The following SPOCK1 variants were observed in gnomAD, a reference collection of about 807,000 sequenced individuals.
The protein encoded by SPOCK1 is testican-1.
SPOCK1 carries 23 observed loss-of-function variants against 55.3 expected under a neutral mutation model. That is an observed-to-expected ratio of 0.42 (90% confidence interval 0.30 to 0.59). The LOEUF is 0.59. Among genes scored for constraint, SPOCK1 ranks in the 20% least tolerant of loss-of-function variants. The pLI, the probability that SPOCK1 is intolerant of heterozygous loss-of-function variation, is 0.22. For missense variants in SPOCK1, 499 were observed against 552.5 expected, an observed-to-expected ratio of 0.90 and a Z score of 0.97; for synonymous variants, 226 against 221.0, an observed-to-expected ratio of 1.02 and a Z score of -0.20.
intron 4 of SPOCK1, among the ~76,000 whole-genome samples, chr5:137,124,141 G>A (rs1753736241): frequency 6.6e-6 from 1 of 152,152 alleles, no homozygotes; most frequent in Non-Finnish European, 1.5e-5. Context: ...AATGGTGCAA[G>A]GAGAAACTGC....
Position 137,173,898 on chromosome 5 carries a change from A to G in SPOCK1, c.233-33204T>C, listed in dbSNP as rs140448360. Among the ~76,000 whole-genome samples, 299 of 152,292 alleles carry G rather than the reference A, an allele frequency of 2.0e-3. 2 individuals carry two copies. The highest frequency in any genetic ancestry group is 3.4e-3 in the Non-Finnish European group (230 of 68,010). On this transcript the variant is annotated intron_variant, in intron 3 of 10. Coordinates refer to ENST00000394945, the MANE Select transcript of SPOCK1 (RefSeq NM_004598.4). ...CTAAAATCTGTGTATCCTTGTTATC[A>G]TTTAATCCTTGCAACAATGCCACGA...
intron 6 of SPOCK1, among the ~76,000 whole-genome samples, chr5:137,055,657 A>G (rs1752287659): frequency 6.6e-6 from 1 of 152,232 alleles, no homozygotes; most frequent in Admixed American, 6.5e-5. Flanking sequence ...CTGTGTTCTC[A>G]CAAGGGCACA....
At chr5:137,255,330 G>T (rs556374096) in intron 3 of SPOCK1, among the ~76,000 whole-genome samples, 108 of 152,286 alleles carry the variant, frequency 7.1e-4, no homozygotes, top group African/African-American at 2.6e-3. Context: ...TGCTCTGTGT[G>T]TCCTTCTCTG....
At chr5:137,467,402 T>C (rs1670888582) in intron 2 of SPOCK1, among the ~76,000 whole-genome samples, 1 of 152,204 alleles carries the variant, frequency 6.6e-6, no homozygotes, top group Non-Finnish European at 1.5e-5. Context: ...ACTCTTCCTT[T>C]CCTTCTTTCA....
chr5:137,269,218 A>G (rs1756914050), intron 2 of SPOCK1, among the ~76,000 whole-genome samples: 1 of 152,254 alleles, frequency 6.6e-6, no homozygotes, highest in South Asian at 2.1e-4. Flanking sequence ...ATGTGAAAGT[A>G]CACCTTGAGT....
intron 4 of SPOCK1, among the ~76,000 whole-genome samples, chr5:137,136,442 CTT>C (rs1753987024): frequency 6.6e-6 from 1 of 151,992 alleles, no homozygotes; most frequent in Admixed American, 6.6e-5. Flanking sequence ...AAAATACTCA[CTT>C]ATAAAAATTA....
chr5:137,386,846 G>T (rs951932424), intron 2 of SPOCK1, among the ~76,000 whole-genome samples: 5 of 151,946 alleles, frequency 3.3e-5, no homozygotes, highest in African/African-American at 1.2e-4. Context: ...CTGTACAAAA[G>T]ACAATGTCAA....
intron 2 of SPOCK1, among the ~76,000 whole-genome samples, chr5:137,328,055 G>C (rs1460632086): frequency 6.6e-6 from 1 of 152,232 alleles, no homozygotes; most frequent in Non-Finnish European, 1.5e-5. Context: ...CACAGCCTTT[G>C]CTGCTGCCTG....
intron 5 of SPOCK1, among the ~76,000 whole-genome samples, chr5:137,077,861 A>G (rs1752801621): frequency 6.6e-6 from 1 of 152,226 alleles, no homozygotes; most frequent in Non-Finnish European, 1.5e-5. Flanking sequence ...TATAAGCTGT[A>G]CCTTGAAAGT....
chr5:137,170,334 C>T (rs1754729419), intron 3 of SPOCK1, among the ~76,000 whole-genome samples: 1 of 152,082 alleles, frequency 6.6e-6, no homozygotes, highest in African/African-American at 2.4e-5. Flanking sequence ...CCTGACTGTA[C>T]CTATGGTGTT....
rs575999457 is a variant in SPOCK1, at chr5:137,118,619, TA to T, written c.348-6059del. On this transcript the variant is annotated intron_variant, in intron 4 of 10. Coordinates refer to ENST00000394945, the MANE Select transcript of SPOCK1 (RefSeq NM_004598.4). ...AGCAGGTGGCAAGACAGAGTAATTT[TA>T]TTTTAGCAATAAATACATGTACAGG... Among the ~76,000 whole-genome samples, 212 of 152,212 alleles carry T rather than the reference TA, an allele frequency of 1.4e-3. 1 individual carries two copies. Among genetic ancestry groups the T allele is most frequent in the Middle Eastern group, 6.8e-3 (2 of 294 alleles).
intron 2 of SPOCK1, among the ~76,000 whole-genome samples, chr5:137,275,409 G>A (rs546132357): frequency 6.6e-6 from 1 of 152,314 alleles, no homozygotes; most frequent in Admixed American, 6.5e-5. Flanking sequence ...ACCAAACACA[G>A]GGATTGGCAG....
At chr5:137,220,116 AGAGC>A (rs1755816347) in intron 3 of SPOCK1, among the ~76,000 whole-genome samples, 1 of 152,196 alleles carries the variant, frequency 6.6e-6, no homozygotes, top group Non-Finnish European at 1.5e-5. Context: ...GTTTCTAGAT[AGAGC>A]AACAAGAACC....
intron 2 of SPOCK1, among the ~76,000 whole-genome samples, chr5:137,418,941 A>T (rs950791166): frequency 6.6e-6 from 1 of 152,146 alleles, no homozygotes; most frequent in African/African-American, 2.4e-5. Flanking sequence ...TAGGTCTGAC[A>T]TTTAAGTCTT....
Position 137,430,328 on chromosome 5 carries a change from C to A in SPOCK1, c.186+68045G>T, listed in dbSNP as rs187066640. Among the ~76,000 whole-genome samples, 107 of 152,326 alleles carry A rather than the reference C, an allele frequency of 7.0e-4. 2 individuals are homozygous for A. In the East Asian group the frequency reaches 0.017, roughly 24 times the overall value. On this transcript the variant is annotated intron_variant, in intron 2 of 10. Coordinates refer to ENST00000394945, the MANE Select transcript of SPOCK1 (RefSeq NM_004598.4). Reference sequence around the variant, plus strand: ...AGGTGGGCAAAAAGACTATCCATCACCCCAGCTCATACTCCGCAATTCACA... The same window carrying A: ...AGGTGGGCAAAAAGACTATCCATCAACCCAGCTCATACTCCGCAATTCACA...
chr5:137,157,696 T>C (rs1008899907), intron 3 of SPOCK1, among the ~76,000 whole-genome samples: 2 of 152,158 alleles, frequency 1.3e-5, no homozygotes, highest in Non-Finnish European at 2.9e-5. Flanking sequence ...TGAAATGATA[T>C]GAATGAGCAG....
chr5:137,164,527 G>A (rs1012004384), intron 3 of SPOCK1, among the ~76,000 whole-genome samples: 2 of 152,150 alleles, frequency 1.3e-5, no homozygotes, highest in Non-Finnish European at 2.9e-5. Flanking sequence ...CAGCTGTGGT[G>A]GCTACAGTGA....
At chr5:137,040,926 A>G (rs926479224) in intron 6 of SPOCK1, among the ~76,000 whole-genome samples, 2 of 152,228 alleles carry the variant, frequency 1.3e-5, no homozygotes, top group South Asian at 2.1e-4. Context: ...AGGAGGGCCT[A>G]CTGTGTACTT....
At chr5:137,434,705 G>A (rs1752822553) in intron 2 of SPOCK1, among the ~76,000 whole-genome samples, 1 of 151,440 alleles carries the variant, frequency 6.6e-6, no homozygotes, top group African/African-American at 2.4e-5. Flanking sequence ...GTTTCACCGT[G>A]TTACCCAGGA....
Sources: gnomAD v4.1 joint callset for allele counts (sites outside exome capture counted in the v4.1 genomes callset) on GRCh38, gnomAD v4.1.1 for gene constraint, MANE v1.5 for transcripts, NCBI Gene and HGNC (gene_info 2026-07-23, HGNC 2026-07-21) for gene names.